NCALD: variants seen among roughly 807,000 people sequenced by gnomAD.
The protein encoded by NCALD is neurocalcin-delta.
Under a neutral mutation model 18.6 loss-of-function variants are expected in NCALD, and 10 were observed. The ratio of observed to expected loss-of-function variants is 0.54; its 90% CI spans 0.33 to 0.91. NCALD has a LOEUF of 0.91. NCALD is among the 40% of genes least tolerant of loss of function. The probability of loss-of-function intolerance (pLI) is 0.03; values close to 1 mark genes in which losing one functional copy is unlikely to be tolerated. For missense variants in NCALD, 184 were observed against 247.6 expected (o/e 0.74, Z 1.72); for synonymous variants, 88 against 87.4 (o/e 1.01, Z -0.04).
At chr8:101,940,441 T>C (rs1393505445) in intron 2 of NCALD, among the ~76,000 whole-genome samples, 3 of 152,202 alleles carry the variant, frequency 2.0e-5, no homozygotes, top group Non-Finnish European at 4.4e-5. Flanking sequence ...CCATTTTAGA[T>C]AGCCTCAACA....
intron 2 of NCALD, chr8:101,694,164 G>C (rs1814877813): frequency 6.6e-6 from 1 of 152,154 alleles, no homozygotes; most frequent in Admixed American, 6.5e-5. Context: ...CTTGGCCCTG[G>C]GGACAATTTT....
chr8:101,860,894 CT>C (rs1372526896), intron 4 of NCALD, among the ~76,000 whole-genome samples: 1 of 152,062 alleles, frequency 6.6e-6, no homozygotes, highest in Non-Finnish European at 1.5e-5. Context: ...GTACCGACCC[CT>C]GAAAGCTGAA....
At chr8:101,723,714 AT>A (rs144417961) in intron 1 of NCALD, among the ~76,000 whole-genome samples, 2,905 of 152,262 alleles carry the variant, frequency 0.019, 101 homozygotes, top group African/African-American at 0.066. Context: ...TTTTGTCTTT[AT>A]TTTTAATCAC....
At chr8:101,944,623 A>T (rs754866859) in intron 2 of NCALD, among the ~76,000 whole-genome samples, 1 of 152,136 alleles carries the variant, frequency 6.6e-6, no homozygotes, top group Non-Finnish European at 1.5e-5. Flanking sequence ...CCCTTTTCCC[A>T]TTGGGCAGTG....
At chr8:101,702,692 A>C (rs1403245619) in intron 2 of NCALD, among the ~76,000 whole-genome samples, 1 of 152,230 alleles carries the variant, frequency 6.6e-6, no homozygotes, top group African/African-American at 2.4e-5. Context: ...GAAGAACTTT[A>C]TGTTCTGTGG....
chr8:102,083,678 T>C (rs1196595212), intron 1 of NCALD, among the ~76,000 whole-genome samples: 2 of 152,250 alleles, frequency 1.3e-5, no homozygotes, highest in African/African-American at 4.8e-5. Context: ...TTAGCTATTC[T>C]CTATGATCAT....
intron 4 of NCALD, among the ~76,000 whole-genome samples, chr8:101,808,018 A>C (rs1408884591): frequency 6.6e-6 from 1 of 152,194 alleles, no homozygotes; most frequent in East Asian, 1.9e-4. Context: ...ACAAATTAAT[A>C]AAAGTAATAA....
At chr8:101,861,969 C>G (rs747760532) in intron 4 of NCALD, among the ~76,000 whole-genome samples, 3 of 152,178 alleles carry the variant, frequency 2.0e-5, no homozygotes, top group Non-Finnish European at 4.4e-5. Flanking sequence ...AATTTGCAAT[C>G]ATTTATATTA....
intron 1 of NCALD, among the ~76,000 whole-genome samples, chr8:101,737,060 A>C (rs765459657): frequency 1.9e-4 from 29 of 152,198 alleles, no homozygotes; most frequent in Admixed American, 5.2e-4. Context: ...AAAAAACACA[A>C]AACCACCTTT....
chr8:102,057,631 G>A (rs1325116425), intron 1 of NCALD, among the ~76,000 whole-genome samples: 1 of 152,186 alleles, frequency 6.6e-6, no homozygotes, highest in Non-Finnish European at 1.5e-5. Context: ...TGCTTCCAAA[G>A]CCCATGCTTT....
At chr8:102,035,528 C>T (rs975101211) in intron 1 of NCALD, among the ~76,000 whole-genome samples, 3 of 152,144 alleles carry the variant, frequency 2.0e-5, no homozygotes, top group African/African-American at 7.2e-5. Flanking sequence ...AGCCAGAGGT[C>T]TCCATAGTCC....
chr8:102,117,393 T>C (rs1422224507), intron 1 of NCALD, among the ~76,000 whole-genome samples: 1 of 152,162 alleles, frequency 6.6e-6, no homozygotes, highest in Admixed American at 6.5e-5. Context: ...AAGAAAAGAA[T>C]ATAAAAGTCC....
At chr8:101,972,844 C>T (rs959682556) in intron 2 of NCALD, among the ~76,000 whole-genome samples, 3 of 152,184 alleles carry the variant, frequency 2.0e-5, no homozygotes, top group African/African-American at 7.2e-5. Context: ...TCCCAGAGTT[C>T]CCCAGAACTG....
At chr8:101,945,344 G>T (rs1486987793) in intron 2 of NCALD, among the ~76,000 whole-genome samples, 1 of 152,100 alleles carries the variant, frequency 6.6e-6, no homozygotes, top group Non-Finnish European at 1.5e-5. Flanking sequence ...TGAAGGTGGG[G>T]GACGAGGAGA....
At chr8:101,847,421 A>C (rs1049110362) in intron 4 of NCALD, 1 of 173,912 alleles carries the variant, frequency 5.8e-6, no homozygotes, top group African/African-American at 2.4e-5. Flanking sequence ...GGGTTCTTCC[A>C]TCTTGAGACA....
At chr8:101,751,876 C>T (rs971761011) in intron 1 of NCALD, among the ~76,000 whole-genome samples, 1 of 152,172 alleles carries the variant, frequency 6.6e-6, no homozygotes, top group Non-Finnish European at 1.5e-5. Context: ...CATAATCCTG[C>T]TGTATTCTTC....
At position 101,892,500 on chromosome 8, in the gene NCALD, A is replaced by G. The variant is rs569497876; in HGVS notation, c.-106-5273T>C. 2.9e-4 allele frequency among the ~76,000 whole-genome samples: 44 copies of G among 149,772 alleles called. 8 individuals are homozygous for G. Among genetic ancestry groups the G allele is most frequent in the African/African-American group, 1.1e-3 (43 of 39,346 alleles). On this transcript the variant is annotated intron_variant, in intron 3 of 6. Coordinates refer to the NCALD transcript ENST00000311028. ...CGCAGTTCCTCACCAGCAACGGAACAAAGCTGGATGGAGAATGACTTTGAC... is the reference window on the plus strand; with the variant it reads ...CGCAGTTCCTCACCAGCAACGGAACGAAGCTGGATGGAGAATGACTTTGAC...
At chr8:101,905,276 CCTCTCTCTCTCT>C (rs58447809) in intron 3 of NCALD, among the ~76,000 whole-genome samples, 2 of 145,478 alleles carry the variant, frequency 1.4e-5, no homozygotes, top group African/African-American at 5.1e-5. Context: ...TCTCTCCTCT[CCTCTCTCTCTCT>C]CTCTCTCTCT....
At chr8:101,981,474 A>G (rs1820616501) in intron 2 of NCALD, among the ~76,000 whole-genome samples, 1 of 152,230 alleles carries the variant, frequency 6.6e-6, no homozygotes. Flanking sequence ...TCACAAAATA[A>G]AAGGAATGGT....
Sources: gnomAD v4.1 joint callset for allele counts (sites outside exome capture counted in the v4.1 genomes callset) on GRCh38, gnomAD v4.1.1 for gene constraint, MANE v1.5 for transcripts, NCBI Gene and HGNC (gene_info 2026-07-23, HGNC 2026-07-21) for gene names.